Variants in C8orf34 observed in about 807,000 individuals in gnomAD.
C8orf34 encodes the protein uncharacterized protein C8orf34.
In C8orf34, 65 loss-of-function variants were observed where a neutral mutation model predicts 68.3. The observed-to-expected ratio is 0.95, with a 90% CI of 0.78 to 1.17. The LOEUF (loss-of-function observed/expected upper bound fraction) is 1.17, where lower values mean the gene tolerates loss of function less well. Ranked by LOEUF, C8orf34 falls within the 50% of genes most tolerant of loss-of-function variation. The probability of loss-of-function intolerance (pLI) is 0.00; values close to 1 mark genes in which losing one functional copy is unlikely to be tolerated. For synonymous variants in C8orf34, 244 were observed against 241.2 expected, an observed-to-expected ratio of 1.01 and a Z score of -0.11; for missense variants, 664 against 655.4, an observed-to-expected ratio of 1.01 and a Z score of -0.14.
At chr8:68,670,483 G>C (rs1258015623) in intron 8 of C8orf34, among the ~76,000 whole-genome samples, 1 of 152,154 alleles carries the variant, frequency 6.6e-6, no homozygotes, top group Non-Finnish European at 1.5e-5. Flanking sequence ...GCAACTTTGA[G>C]AGATTACCTG....
chr8:68,531,143 C>T (rs890459397), intron 6 of C8orf34, among the ~76,000 whole-genome samples: 2 of 151,974 alleles, frequency 1.3e-5, no homozygotes, highest in Non-Finnish European at 2.9e-5. Flanking sequence ...GCGTGTATTT[C>T]TTAGGAATAA....
At chr8:68,710,229 A>C (rs1312668677) in intron 9 of C8orf34, among the ~76,000 whole-genome samples, 1 of 152,154 alleles carries the variant, frequency 6.6e-6, no homozygotes, top group East Asian at 1.9e-4. Context: ...GAAAGGTGAG[A>C]GAATCCACAG....
At chr8:68,568,813 G>A (rs1439970530) in intron 7 of C8orf34, among the ~76,000 whole-genome samples, 2 of 152,174 alleles carry the variant, frequency 1.3e-5, no homozygotes, top group Non-Finnish European at 2.9e-5. Context: ...TTCTAGAATA[G>A]GATAAGCAAA....
At chr8:68,337,254 TTCAA>T (rs1261363121) in intron 1 of C8orf34, among the ~76,000 whole-genome samples, 1 of 152,180 alleles carries the variant, frequency 6.6e-6, no homozygotes, top group African/African-American at 2.4e-5. Context: ...CACTACTTCG[TTCAA>T]GTGATGGGAT....
At chr8:68,633,919 G>A (rs957055362) in intron 7 of C8orf34, among the ~76,000 whole-genome samples, 5 of 151,280 alleles carry the variant, frequency 3.3e-5, no homozygotes, top group Non-Finnish European at 7.4e-5. Flanking sequence ...GTTTTTGGCT[G>A]AGCCTGAGAA....
chr8:68,593,080 G>A (rs951210748), intron 7 of C8orf34, among the ~76,000 whole-genome samples: 11 of 152,030 alleles, frequency 7.2e-5, no homozygotes, highest in African/African-American at 2.2e-4. Context: ...CTCATCTATC[G>A]TTACATTTTC....
intron 7 of C8orf34, among the ~76,000 whole-genome samples, chr8:68,559,289 T>G (rs1013162709): frequency 1.3e-5 from 2 of 152,188 alleles, no homozygotes; most frequent in African/African-American, 2.4e-5. Context: ...TGAAGGCTGG[T>G]ATCATCAACA....
intron 9 of C8orf34, among the ~76,000 whole-genome samples, chr8:68,713,888 C>G (rs1377186816): frequency 6.6e-6 from 1 of 151,998 alleles, no homozygotes; most frequent in Non-Finnish European, 1.5e-5. Context: ...ATGCAAACAT[C>G]CTCACAAAAT....
intron 3 of C8orf34, among the ~76,000 whole-genome samples, chr8:68,458,751 T>TTGATCA (rs2129628483): frequency 6.6e-6 from 1 of 152,338 alleles, no homozygotes; most frequent in South Asian, 2.1e-4. Context: ...GTTTTCTGGA[T>TTGATCA]TGATCACGGT....
At chr8:68,687,824 A>G (rs1344734316) in intron 8 of C8orf34, among the ~76,000 whole-genome samples, 2 of 152,140 alleles carry the variant, frequency 1.3e-5, no homozygotes, top group African/African-American at 4.8e-5. Flanking sequence ...GAGTAAATAG[A>G]CAACCCACAG....
chr8:68,535,609 A>T, intron 7 of C8orf34: 1 of 677,112 alleles, frequency 1.5e-6, no homozygotes, highest in Non-Finnish European at 1.8e-6. Flanking sequence ...ATATATACTG[A>T]TTAATATTTA....
At chr8:68,758,508 G>A (rs1051208061) in intron 10 of C8orf34, among the ~76,000 whole-genome samples, 14 of 152,166 alleles carry the variant, frequency 9.2e-5, no homozygotes, top group Non-Finnish European at 1.3e-4. Flanking sequence ...CTAGAAACAA[G>A]TGATATATGA....
At chr8:68,425,999 C>A (rs779393698) in intron 1 of C8orf34, among the ~76,000 whole-genome samples, 1 of 151,956 alleles carries the variant, frequency 6.6e-6, no homozygotes, top group African/African-American at 2.4e-5. Context: ...TTAAACATTG[C>A]GTCTTATGCA....
At chr8:68,535,434 T>C (rs1815424021) in intron 7 of C8orf34, 1 of 978,898 alleles carries the variant, frequency 1.0e-6, no homozygotes, top group African/African-American at 1.8e-5. Context: ...TGTGAAGTGA[T>C]AAATAAGTGA....
chr8:68,574,163 T>A (rs1305825242), intron 7 of C8orf34, among the ~76,000 whole-genome samples: 4 of 152,144 alleles, frequency 2.6e-5, no homozygotes, highest in Admixed American at 2.6e-4. Flanking sequence ...AATTTTTTAA[T>A]AATATTAGCT....
At chr8:68,541,415 A>G (rs966091299) in intron 7 of C8orf34, among the ~76,000 whole-genome samples, 4 of 152,076 alleles carry the variant, frequency 2.6e-5, no homozygotes, top group South Asian at 4.2e-4. Context: ...GTGGTGAGCT[A>G]TGATGGCACC....
intron 7 of C8orf34, among the ~76,000 whole-genome samples, chr8:68,620,694 A>G (rs535816387): frequency 1.1e-4 from 16 of 151,028 alleles, no homozygotes; most frequent in South Asian, 8.4e-4. Flanking sequence ...TTTACTGGGA[A>G]AAAAAAAAAG....
At chr8:68,335,202 A>G (rs1805798672) in intron 1 of C8orf34, among the ~76,000 whole-genome samples, 1 of 152,170 alleles carries the variant, frequency 6.6e-6, no homozygotes, top group Non-Finnish European at 1.5e-5. Context: ...GAAGGATACT[A>G]GTTACTCACT....
At chr8:68,640,994 C>T (rs1376948654) in intron 8 of C8orf34, among the ~76,000 whole-genome samples, 2 of 152,196 alleles carry the variant, frequency 1.3e-5, no homozygotes, top group Non-Finnish European at 2.9e-5. Flanking sequence ...TTTGCATATA[C>T]TGTATGTGGC....
Sources: allele counts gnomAD v4.1 joint callset (sites outside exome capture counted in the v4.1 genomes callset), GRCh38; gene constraint gnomAD v4.1.1; transcripts MANE v1.5; gene names NCBI Gene and HGNC (gene_info 2026-07-23, HGNC 2026-07-21).